USP48: variants seen among roughly 807,000 people sequenced by gnomAD.
USP48 encodes the protein ubiquitin carboxyl-terminal hydrolase 48.
In USP48, 43 loss-of-function variants were observed where a neutral mutation model predicts 150.7. The observed-to-expected ratio is 0.29, with a 90% CI of 0.22 to 0.37. The LOEUF (loss-of-function observed/expected upper bound fraction) is 0.37. Ranked by LOEUF, USP48 falls within the 10% of genes least tolerant of loss-of-function variation. The probability of loss-of-function intolerance (pLI) is 1.00; values close to 1 mark genes in which losing one functional copy is unlikely to be tolerated. For synonymous variants in USP48, 396 were observed against 425.9 expected (o/e 0.93, Z 0.86); for missense variants, 813 against 1,249.6 (o/e 0.65, Z 5.27).
intron 25 of USP48, chr1:21,686,141 T>C (rs2097579807): frequency 6.6e-6 from 1 of 152,192 alleles, no homozygotes; most frequent in Non-Finnish European, 1.5e-5. Context: ...AGAGGGACCA[T>C]TTGACTTCCT....
At chr1:21,687,798 A>G (rs1408077833) in intron 24 of USP48, among the ~76,000 whole-genome samples, 1 of 152,176 alleles carries the variant, frequency 6.6e-6, no homozygotes, top group East Asian at 1.9e-4. Flanking sequence ...TGAAGTACAA[A>G]CCGTTCAACA....
At chr1:21,756,776 A>C in intron 2 of USP48, 74 bp from the exon 3 acceptor site, 5 of 1,572,690 alleles carry the variant, frequency 3.2e-6, no homozygotes, top group Middle Eastern at 3.6e-4. Flanking sequence ...ATTATTCTTA[A>C]ATTTTCAGAT....
At position 21,724,005 on chromosome 1, in the gene USP48, C is replaced by T. The variant is rs768104933; in HGVS notation, c.1541G>A (p.Cys514Tyr). The T allele has an allele frequency of 6.2e-7, 1 of 1,614,154 alleles. No homozygotes were observed. Among genetic ancestry groups the T allele is most frequent in the Non-Finnish European group, 8.5e-7 (1 of 1,180,024 alleles). ...ATCCGGGTGAAGCTTGTCATGGGAA[C>T]ACAGGCAAGCGTGATTATCAATAGG... Reference protein sequence around the residue: ...TKPIDNHACLCSHDKLHPDKI... With the variant: ...TKPIDNHACLYSHDKLHPDKI... Residue 514 changes from cysteine to tyrosine, a missense_variant, in exon 12 of 27, where the codon TGT becomes TAT. Coordinates refer to ENST00000308271, the MANE Select transcript of USP48 (RefSeq NM_032236.8).
intron 4 of USP48, 96 bp from the exon 5 acceptor site, chr1:21,752,747 CT>C: frequency 7.3e-7 from 1 of 1,372,308 alleles, no homozygotes; most frequent in Non-Finnish European, 9.7e-7. Context: ...ACTACCTATA[CT>C]TTCAACTTAG....
chr1:21,728,687 A>C lies in USP48; in HGVS notation c.1333T>G (p.Ser445Ala). 1 of 1,614,146 alleles carries C rather than the reference A, an allele frequency of 6.2e-7. No homozygotes were observed. Residue 445 changes from serine (S) to alanine (A), a missense_variant, in exon 11 of 27, where the codon TCC becomes GCC. Transcript: ENST00000308271. The stretch of plus-strand genomic sequence containing the variant: ...TCAATACACCACTCCTCAAATTTGG[A>C]ATTATCCCGATCTACCAGCTCTTGA... ...FLQELVDRDN[S>A]KFEEWCIEMA...
At chr1:21,690,444 T>C (rs1363289598) in intron 23 of USP48, among the ~76,000 whole-genome samples, 1 of 152,168 alleles carries the variant, frequency 6.6e-6, no homozygotes, top group African/African-American at 2.4e-5. Context: ...GGCAAGGTCA[T>C]CACTGTCACC....
intron 15 of USP48, among the ~76,000 whole-genome samples, chr1:21,710,247 A>G (rs981651946): frequency 1.3e-5 from 2 of 152,214 alleles, no homozygotes; most frequent in African/African-American, 2.4e-5. Context: ...TTCAGTAAAC[A>G]TAACTAGAAT....
chr1:21,727,738 A>T, intron 11 of USP48: 2 of 371,918 alleles, frequency 5.4e-6, no homozygotes, highest in Non-Finnish European at 7.4e-6. Flanking sequence ...GAATTGAATT[A>T]AAATTTAGTT....
chr1:21,680,825 G>C lies in USP48; in HGVS notation c.3068C>G (p.Pro1023Arg). The C allele has an allele frequency of 6.3e-7, 1 of 1,590,240 alleles. No individual in the cohort carries two copies. The highest frequency in any genetic ancestry group is 1.2e-5 in the South Asian group (1 of 85,722). The change falls in exon 26 of 27, where the codon CCA becomes CGA. Residue 1023 changes from proline to arginine, a missense_variant. Coordinates refer to ENST00000308271, the MANE Select transcript of USP48 (RefSeq NM_032236.8). Reference sequence around the variant, plus strand: ...TAACTTACCTTTAAACCCTTCTTCTGGCATACAAACTGAAAAAAAGAAAAA... The same window carrying C: ...TAACTTACCTTTAAACCCTTCTTCTCGCATACAAACTGAAAAAAAGAAAAA... ...AMDDVMQVCMPEEGFKGTGLL... is the reference protein window; with the variant it reads ...AMDDVMQVCMREEGFKGTGLL...
chr1:21,701,737 A>G, intron 21 of USP48, 135 bp from the exon 22 acceptor site: 1 of 635,646 alleles, frequency 1.6e-6, no homozygotes, highest in Non-Finnish European at 2.8e-6. Context: ...TAGACTGGAG[A>G]GTGGATCAAG....
chr1:21,782,964 G>A lies in USP48; in HGVS notation c.-7C>T, dbSNP rs1557638877. ...GCTGCAGCCGCGGGGCCATGGCCTTGGCCCCAGGAACGCCTCCCGAGCCAG... is the reference window on the plus strand; with the variant it reads ...GCTGCAGCCGCGGGGCCATGGCCTTAGCCCCAGGAACGCCTCCCGAGCCAG... On this transcript the variant is annotated 5_prime_UTR_variant, in exon 1 of 27. Transcript: ENST00000308271. 2 of 1,533,268 alleles carry A rather than the reference G, an allele frequency of 1.3e-6. No homozygotes were observed. 95.0% of individuals were successfully genotyped at this position (1,533,268 alleles called of 1,614,324 possible).
intron 11 of USP48, among the ~76,000 whole-genome samples, chr1:21,726,771 G>A (rs1489272743): frequency 6.6e-6 from 1 of 152,108 alleles, no homozygotes; most frequent in South Asian, 2.1e-4. Flanking sequence ...TAGTATTTGT[G>A]ATTCAGTAAA....
chr1:21,701,687 C>G, intron 21 of USP48, 85 bp from the exon 22 acceptor site: 2 of 1,038,496 alleles, frequency 1.9e-6, no homozygotes, highest in Non-Finnish European at 3.0e-6. Context: ...GACCGGCAAC[C>G]TTTATCAAGA....
chr1:21,721,517 G>T, intron 13 of USP48, 133 bp downstream of exon 13: 3 of 682,032 alleles, frequency 4.4e-6, no homozygotes, highest in Non-Finnish European at 6.9e-6. Context: ...TTTTGATCTG[G>T]CTCTACCATC....
rs574644210 is a variant in USP48, at chr1:21,704,888, C to T, written c.2385-496G>A. Among the ~76,000 whole-genome samples, 35 of 152,144 alleles carry T rather than the reference C, an allele frequency of 2.3e-4. No individual in the cohort carries two copies. In the South Asian group the frequency reaches 7.1e-3, roughly 31 times the overall value. ...ATTTAACTTTTAAACTGAATGGTAACACACATTTGCTTACTGGTGTATTTT... is the reference window on the plus strand; with the variant it reads ...ATTTAACTTTTAAACTGAATGGTAATACACATTTGCTTACTGGTGTATTTT... On this transcript the variant is annotated intron_variant, in intron 19 of 26. Coordinates refer to ENST00000308271, the MANE Select transcript of USP48 (RefSeq NM_032236.8).
At chr1:21,703,330 A>G (rs2097662696) in intron 21 of USP48, among the ~76,000 whole-genome samples, 182 bp downstream of exon 21, 1 of 152,172 alleles carries the variant, frequency 6.6e-6, no homozygotes, top group Non-Finnish European at 1.5e-5. Flanking sequence ...AACAAACTAA[A>G]TTCTCATATA....
At chr1:21,775,727 A>G (rs1460317107) in intron 1 of USP48, among the ~76,000 whole-genome samples, 1 of 152,240 alleles carries the variant, frequency 6.6e-6, no homozygotes, top group Non-Finnish European at 1.5e-5. Flanking sequence ...GGCTGGAAGC[A>G]TAAGTAAATC....
chr1:21,683,574 A>T (rs1348836028), intron 25 of USP48, among the ~76,000 whole-genome samples: 2 of 152,152 alleles, frequency 1.3e-5, no homozygotes, highest in East Asian at 3.9e-4. Flanking sequence ...TGTAGTAGAG[A>T]CAGGGTCTCA....
At chr1:21,740,117 G>T (rs534751695) in intron 8 of USP48, among the ~76,000 whole-genome samples, 1 of 152,252 alleles carries the variant, frequency 6.6e-6, no homozygotes, top group African/African-American at 2.4e-5. Flanking sequence ...CTCCATGTTG[G>T]TCAGGCTGGT....
Sources: allele counts gnomAD v4.1 joint callset (sites outside exome capture counted in the v4.1 genomes callset), GRCh38; gene constraint gnomAD v4.1.1; transcripts MANE v1.5; gene names NCBI Gene and HGNC (gene_info 2026-07-23, HGNC 2026-07-21).